Variants in ANKS1B observed in about 807,000 individuals in gnomAD.
The protein encoded by ANKS1B is ankyrin repeat and sterile alpha motif domain containing 1B.
Under a neutral mutation model 148.3 loss-of-function variants are expected in ANKS1B, and 36 were observed. That is an observed-to-expected ratio of 0.24 (90% CI 0.19 to 0.32). The LOEUF (loss-of-function observed/expected upper bound fraction) is 0.32, where lower values mean the gene tolerates loss of function less well. Among genes scored for constraint, ANKS1B ranks in the 10% least tolerant of loss-of-function variants. The pLI, the probability that ANKS1B is intolerant of heterozygous loss-of-function variation, is 1.00. For missense variants in ANKS1B, 1,157 were observed against 1,542.6 expected, an observed-to-expected ratio of 0.75 and a Z score of 4.19; for synonymous variants, 542 against 560.8, an observed-to-expected ratio of 0.97 and a Z score of 0.47.
At chr12:98,916,186 A>C (rs1441316339) in intron 17 of ANKS1B, among the ~76,000 whole-genome samples, 3 of 152,250 alleles carry the variant, frequency 2.0e-5, no homozygotes, top group Non-Finnish European at 4.4e-5. Flanking sequence ...AGAAAAAAGA[A>C]TGATTCACTG....
At chr12:99,109,294 C>T (rs2153696260) in intron 15 of ANKS1B, among the ~76,000 whole-genome samples, 1 of 152,278 alleles carries the variant, frequency 6.6e-6, no homozygotes, top group South Asian at 2.1e-4. Flanking sequence ...GCTTAGCTGG[C>T]TACTAGTTAC....
At chr12:99,099,651 C>A (rs891943313) in intron 15 of ANKS1B, 2 of 152,162 alleles carry the variant, frequency 1.3e-5, no homozygotes, top group Non-Finnish European at 2.9e-5. Flanking sequence ...GATAAAAACA[C>A]AAAATATAAA....
intron 9 of ANKS1B, among the ~76,000 whole-genome samples, chr12:99,527,511 C>T (rs190685326): frequency 2.1e-4 from 32 of 152,214 alleles, no homozygotes; most frequent in Admixed American, 1.4e-3. Flanking sequence ...TGGCTCTCCC[C>T]GGAATTCTTA....
At chr12:99,861,750 T>C (rs1346668974) in intron 1 of ANKS1B, among the ~76,000 whole-genome samples, 1 of 152,202 alleles carries the variant, frequency 6.6e-6, no homozygotes, top group Non-Finnish European at 1.5e-5. Flanking sequence ...TGAACAACAA[T>C]AAAGAAGTTC....
rs538337525 is a variant in ANKS1B, at chr12:99,555,125, G to A, written c.1273-50484C>T. On this transcript the variant is annotated intron_variant, in intron 9 of 26. Transcript: ENST00000683438. Reference sequence around the variant, plus strand: ...GTAGTGCTGCAGTGAACATACACACGCATAGGTCTTTATGGTAGAACAATT... The same window carrying A: ...GTAGTGCTGCAGTGAACATACACACACATAGGTCTTTATGGTAGAACAATT... Among the ~76,000 whole-genome samples, 6 of 152,156 alleles carry A rather than the reference G, an allele frequency of 3.9e-5. No individual in the cohort carries two copies. The South Asian group carries it at 1.0e-3, about 26-fold the overall frequency.
chr12:99,771,441 A>G (rs987575787), intron 8 of ANKS1B, among the ~76,000 whole-genome samples: 1 of 152,092 alleles, frequency 6.6e-6, no homozygotes, highest in Admixed American at 6.6e-5. Flanking sequence ...GTTTACATAA[A>G]TCTTTGAGGA....
intron 22 of ANKS1B, among the ~76,000 whole-genome samples, chr12:98,790,513 G>T (rs1024123118): frequency 6.6e-6 from 1 of 152,104 alleles, no homozygotes; most frequent in Non-Finnish European, 1.5e-5. Context: ...GTAGAGATGG[G>T]GGTCTTATTG....
At chr12:98,987,905 G>A (rs981093387) in intron 17 of ANKS1B, among the ~76,000 whole-genome samples, 15 of 152,078 alleles carry the variant, frequency 9.9e-5, no homozygotes, top group African/African-American at 3.4e-4. Context: ...TTTGGATTGA[G>A]CTATGCCTAA....
At chr12:98,899,112 A>T (rs1241597087) in intron 17 of ANKS1B, among the ~76,000 whole-genome samples, 22 of 152,174 alleles carry the variant, frequency 1.4e-4, no homozygotes, top group South Asian at 8.3e-4. Flanking sequence ...TTAAGAGTTT[A>T]TTCATTTGTT....
chr12:98,926,903 T>G (rs1471086741), intron 17 of ANKS1B, among the ~76,000 whole-genome samples: 1 of 152,048 alleles, frequency 6.6e-6, no homozygotes, highest in Non-Finnish European at 1.5e-5. Flanking sequence ...AACACATGCA[T>G]AGTGAGAGTC....
rs1596463506 is a variant in ANKS1B, at chr12:98,895,154, C to A, written c.2779-63018G>T. On this transcript the variant is annotated intron_variant, in intron 17 of 26. Transcript: ENST00000683438. ...TTACCGCTCGGGCGGACCCTCACTG[C>A]GAGAGCGATGCGGGCCCAGGCGCGG... 3.0e-6 allele frequency: 3 copies of A among 985,236 alleles called. No individual in the cohort carries two copies. In the East Asian group the frequency reaches 3.4e-4, roughly 113 times the overall value. The allele number at this position is 985,236 out of a possible 1,614,324, so 61.0% of individuals were successfully genotyped here. A position where few individuals can be genotyped will look rare whatever the true frequency, so the allele number is the denominator to read the frequency against.
intron 10 of ANKS1B, among the ~76,000 whole-genome samples, chr12:99,481,430 T>G (rs2096408805): frequency 6.6e-6 from 1 of 151,980 alleles, no homozygotes; most frequent in African/African-American, 2.4e-5. Context: ...ATTTTCTTTA[T>G]CCACTCATTA....
At chr12:98,883,754 T>A (rs976658334) in intron 17 of ANKS1B, among the ~76,000 whole-genome samples, 3 of 152,214 alleles carry the variant, frequency 2.0e-5, no homozygotes, top group African/African-American at 7.2e-5. Context: ...TGTGCAACGA[T>A]ATAACTTCTT....
At chr12:99,221,525 G>C (rs2085127468) in intron 14 of ANKS1B, among the ~76,000 whole-genome samples, 1 of 151,956 alleles carries the variant, frequency 6.6e-6, no homozygotes, top group African/African-American at 2.4e-5. Flanking sequence ...TCCCAGAATG[G>C]GCCAAGGCAT....
intron 9 of ANKS1B, among the ~76,000 whole-genome samples, chr12:99,542,235 A>G (rs2097132860): frequency 6.6e-6 from 1 of 152,232 alleles, no homozygotes; most frequent in Admixed American, 6.5e-5. Context: ...CAAGGACAAT[A>G]CTAAAAAAAC....
At chr12:99,483,020 C>T (rs1239656288) in intron 10 of ANKS1B, among the ~76,000 whole-genome samples, 2 of 150,408 alleles carry the variant, frequency 1.3e-5, no homozygotes, top group African/African-American at 4.9e-5. Flanking sequence ...CTGGCTAGGA[C>T]TTCCAGGAAT....
intron 8 of ANKS1B, among the ~76,000 whole-genome samples, chr12:99,723,497 G>A (rs1356544447): frequency 6.6e-6 from 1 of 152,112 alleles, no homozygotes; most frequent in South Asian, 2.1e-4. Flanking sequence ...TGATCTCCCT[G>A]GCCGGAGCCA....
chr12:99,934,400 C>G (rs2115574), intron 1 of ANKS1B, among the ~76,000 whole-genome samples: 92,382 of 151,870 alleles, frequency 0.61, 29,286 homozygotes, highest in African/African-American at 0.7. Context: ...ATTGGATCCT[C>G]GGCTTCTCTT....
chr12:99,857,461 G>C (rs2089345544), intron 1 of ANKS1B, among the ~76,000 whole-genome samples: 1 of 151,958 alleles, frequency 6.6e-6, no homozygotes, highest in Admixed American at 6.6e-5. Context: ...TGACCATACG[G>C]CCAATAGCAA....
Sources: allele counts gnomAD v4.1 joint callset (sites outside exome capture counted in the v4.1 genomes callset), GRCh38; gene constraint gnomAD v4.1.1; transcripts MANE v1.5; gene names NCBI Gene and HGNC (gene_info 2026-07-23, HGNC 2026-07-21).